DPEP2: variants seen among roughly 807,000 people sequenced by gnomAD.
DPEP2 encodes the protein dipeptidase 2.
A neutral mutation model predicts 51.8 loss-of-function variants in DPEP2; 45 were observed. The observed-to-expected ratio is 0.87, with a 90% CI of 0.68 to 1.11. The LOEUF (loss-of-function observed/expected upper bound fraction) is 1.11, where lower values mean the gene tolerates loss of function less well. Ranked by LOEUF, DPEP2 falls within the 50% of genes most tolerant of loss-of-function variation. The probability of loss-of-function intolerance (pLI) is 0.00; values close to 1 mark genes in which losing one functional copy is unlikely to be tolerated. For synonymous variants in DPEP2, 255 were observed against 262.7 expected, an observed-to-expected ratio of 0.97 and a Z score of 0.28; for missense variants, 604 against 631.9, an observed-to-expected ratio of 0.96 and a Z score of 0.47.
intron 1 of DPEP2, among the ~76,000 whole-genome samples, chr16:67,997,069 G>T (rs1376550896): frequency 6.7e-6 from 1 of 149,542 alleles, no homozygotes; most frequent in African/African-American, 2.4e-5. Context: ...TTTCATTCTT[G>T]TTGCCCAGGC....
Position 67,993,053 on chromosome 16 carries a change from T to C in DPEP2, c.160A>G (p.Met54Val). Residue 54 changes from methionine (M) to valine (V), a missense_variant, in exon 2 of 11, where the codon ATG becomes GTG. Physicochemically the swap from Met to Val is conservative, Grantham distance 21 (BLOSUM62 1). Coordinates refer to ENST00000393847, the MANE Select transcript of DPEP2 (RefSeq NM_022355.4). ...GTCGAGGGAGCGTAGGTGCCCGGCA[T>C]GGTGTGGGCTCTGGGGGCGCCCAGC... ...TTLGAPRAHTMPGTYAPSTTL... is the reference protein window; with the variant it reads ...TTLGAPRAHTVPGTYAPSTTL... 2 of 1,579,798 alleles carry C rather than the reference T, an allele frequency of 1.3e-6. No homozygotes were observed. Among genetic ancestry groups the C allele is most frequent in the Middle Eastern group, 1.7e-4 (1 of 5,974 alleles).
At chr16:67,989,279 T>G in intron 9 of DPEP2, 44 bp downstream of exon 9, 1 of 1,609,532 alleles carries the variant, frequency 6.2e-7, no homozygotes, top group South Asian at 1.1e-5. Flanking sequence ...AAGGCCCCAC[T>G]GCTGTACAGC....
intron 1 of DPEP2, among the ~76,000 whole-genome samples, chr16:67,998,357 G>A (rs929291987): frequency 3.3e-5 from 5 of 152,192 alleles, no homozygotes; most frequent in African/African-American, 9.6e-5. Context: ...TTGGCACCCG[G>A]GCCAGTGGCT....
Position 67,993,685 on chromosome 16 carries a change from C to CG in DPEP2, c.-45-429dup, listed in dbSNP as rs1395219686. 3 of 987,244 alleles carry CG rather than the reference C, an allele frequency of 3.0e-6. No homozygotes were observed. In the African/African-American group the frequency reaches 5.2e-5, roughly 17 times the overall value. The allele number at this position is 987,244 out of a possible 1,614,324, so 61.2% of individuals were successfully genotyped here. On this transcript the variant is annotated intron_variant, in intron 1 of 10. Transcript: ENST00000393847. ...ACGTCATGTCCCCAACCGCCTGCAACGTGTCCCGGCCACACCCAGGGCCAC... is the reference window on the plus strand; with the variant it reads ...ACGTCATGTCCCCAACCGCCTGCAACGGTGTCCCGGCCACACCCAGGGCCAC...
chr16:67,988,280 C>G (rs1289949479), intron 9 of DPEP2, among the ~76,000 whole-genome samples: 1 of 152,128 alleles, frequency 6.6e-6, no homozygotes, highest in Non-Finnish European at 1.5e-5. Context: ...TATGGTGGCT[C>G]ACACCTGTAA....
chr16:67,992,910 T>C (rs2151381384), intron 2 of DPEP2, 40 bp downstream of exon 2: 2 of 1,576,630 alleles, frequency 1.3e-6, no homozygotes, highest in South Asian at 1.1e-5. Flanking sequence ...TGCCCAGGAG[T>C]GTGCTCAGCT....
chr16:67,990,686 A>T, intron 7 of DPEP2, 135 bp downstream of exon 7: 1 of 977,042 alleles, frequency 1.0e-6, no homozygotes, highest in Non-Finnish European at 1.5e-6. Flanking sequence ...CTGGTCTTGA[A>T]CTCCTGACCT....
chr16:67,995,417 T>C (rs2032634873), intron 1 of DPEP2, among the ~76,000 whole-genome samples: 2 of 151,978 alleles, frequency 1.3e-5, no homozygotes, highest in Admixed American at 1.3e-4. Flanking sequence ...CAGAGAACAG[T>C]AGGGCGTGTC....
chr16:67,992,439 C>A (rs2032285201), intron 3 of DPEP2, 71 bp downstream of exon 3: 1 of 1,551,770 alleles, frequency 6.4e-7, no homozygotes, highest in African/African-American at 1.4e-5. Context: ...AACTTGTGAT[C>A]TCTGGGGTCC....
rs531284451 is a variant in DPEP2 at position 67,987,562 on chromosome 16, T to C, written c.1405A>G (p.Met469Val). The part of the protein sequence containing the change: ...KWSVSESSPH[M>V]APVLAVVATF... ...GCCACAACTGCAAGGACTGGGGCCA[T>C]GTGGGGGGAGGACTCTGAGACTGAC... The change falls in exon 11 of 11, where the codon ATG becomes GTG. Residue 469 changes from methionine (M) to valine (V), a missense_variant. Met to Val is a conservative substitution (Grantham distance 21, BLOSUM62 1). Transcript: ENST00000393847. The C allele has an allele frequency of 1.1e-5, 17 of 1,614,132 alleles. No homozygotes were observed. The African/African-American group carries it at 1.7e-4, about 16-fold the overall frequency.
At position 67,992,961 on chromosome 16, in the gene DPEP2, C is replaced by T. The variant is rs750591596; in HGVS notation, c.252G>A (p.Pro84=). The T allele has an allele frequency of 7.4e-6, 12 of 1,610,992 alleles. No individual in the cohort carries two copies. Among genetic ancestry groups the T allele is most frequent in the South Asian group, 5.5e-5 (5 of 90,758 alleles). Residue 84 remains proline, a synonymous_variant, in exon 2 of 11, where the codon CCG becomes CCA. Coordinates refer to ENST00000393847, the MANE Select transcript of DPEP2 (RefSeq NM_022355.4). ...EQARALMRDF[P]LVDGHNDLPL... The stretch of plus-strand genomic sequence containing the variant: ...CAGCAATTACGCACCCGTCCACGAG[C>T]GGGAAGTCCCGCATCAGGGCCCGTG...
At chr16:67,989,114 G>A (rs779451787) in intron 9 of DPEP2, among the ~76,000 whole-genome samples, 4 of 152,154 alleles carry the variant, frequency 2.6e-5, no homozygotes, top group Admixed American at 6.5e-5. Flanking sequence ...TTGGGGGTAC[G>A]TGCAGTGCTG....
intron 9 of DPEP2, 36 bp from the exon 10 acceptor site, chr16:67,988,023 T>C: frequency 6.2e-7 from 1 of 1,613,614 alleles, no homozygotes; most frequent in Non-Finnish European, 8.5e-7. Flanking sequence ...TCAGACCTGA[T>C]TCCCTGATCA....
intron 1 of DPEP2, among the ~76,000 whole-genome samples, chr16:67,998,534 C>G (rs892799681): frequency 1.5e-4 from 23 of 152,220 alleles, no homozygotes; most frequent in African/African-American, 2.7e-4. Context: ...GGAGCCTCCC[C>G]GGTGAGCGCC....
intron 1 of DPEP2, chr16:67,994,183 C>A (rs1312242416): frequency 1.0e-6 from 1 of 985,328 alleles, no homozygotes; most frequent in East Asian, 1.1e-4. Context: ...TCTGGCTGAT[C>A]TGCTGGCCAG....
chr16:67,988,404 A>AGAAAGAAAG (rs60586674), intron 9 of DPEP2, among the ~76,000 whole-genome samples: 1 of 150,150 alleles, frequency 6.7e-6, no homozygotes, highest in African/African-American at 2.5e-5. Flanking sequence ...AAAGAAAGAA[A>AGAAAGAAAG]GAAAGAAAGG....
Position 67,987,978 on chromosome 16 carries a change from C to G in DPEP2, c.1080G>C (p.Gln360His). 6.2e-7 allele frequency: 1 copy of G among 1,614,154 alleles called. No individual in the cohort carries two copies. ...GGTATGTGGACACGTCTTCCAGCCC[C>G]TGAGGGAATCTGTGTGGCCACCAGC... is the stretch of plus-strand genomic sequence containing the variant. ...GDYDGAGKFP[Q>H]GLEDVSTYPV... The change falls in exon 10 of 11, where the codon CAG (glutamine) becomes CAC (histidine). Residue 360 changes from glutamine to histidine, a missense_variant. Physicochemically the swap from Gln to His is conservative, Grantham distance 24. Coordinates refer to ENST00000393847, the MANE Select transcript of DPEP2 (RefSeq NM_022355.4).
At chr16:67,992,693 C>G in intron 2 of DPEP2, 57 bp from the exon 3 acceptor site, 1 of 1,584,818 alleles carries the variant, frequency 6.3e-7, no homozygotes, top group East Asian at 2.3e-5. Flanking sequence ...CCTCTTAGCC[C>G]TCCAGTTCAG....
chr16:67,989,904 G>T, intron 8 of DPEP2, 143 bp downstream of exon 8: 1 of 811,154 alleles, frequency 1.2e-6, no homozygotes, highest in Non-Finnish European at 2.0e-6. Flanking sequence ...CTGACTCTGT[G>T]GCTGCAGCTC....
Sources: allele counts gnomAD v4.1 joint callset (sites outside exome capture counted in the v4.1 genomes callset), GRCh38; gene constraint gnomAD v4.1.1; transcripts MANE v1.5; gene names NCBI Gene and HGNC (gene_info 2026-07-23, HGNC 2026-07-21).